The following AFG2A variants were observed in gnomAD, a reference collection of about 807,000 sequenced individuals.
AFG2A encodes the protein AAA ATPase AFG2A.
chr4:123,077,393 T>A, the AFG2A span, among the ~76,000 whole-genome samples: 1 of 152,126 alleles, frequency 6.6e-6, no homozygotes, highest in Non-Finnish European at 1.5e-5. Flanking sequence ...GTTACCTGCA[T>A]GATGTCTAAG....
the AFG2A span, among the ~76,000 whole-genome samples, chr4:123,295,782 C>T: frequency 1.4e-4 from 21 of 152,292 alleles, no homozygotes; most frequent in South Asian, 3.1e-3. Flanking sequence ...CATGGTGATG[C>T]GTGCCTGTAG....
chr4:123,061,300 C>T, the AFG2A span, among the ~76,000 whole-genome samples: 1,845 of 152,328 alleles, frequency 0.012, 43 homozygotes, highest in African/African-American at 0.041. Flanking sequence ...CAGCACCCCA[C>T]TCTACCGTTA....
the AFG2A span, among the ~76,000 whole-genome samples, chr4:123,164,974 T>G: frequency 6.6e-6 from 1 of 152,202 alleles, no homozygotes; most frequent in Non-Finnish European, 1.5e-5. Flanking sequence ...CTAAAAAGAC[T>G]TAAAATTAGT....
the AFG2A span, among the ~76,000 whole-genome samples, chr4:123,276,757 G>A: frequency 6.6e-6 from 1 of 152,108 alleles, no homozygotes; most frequent in Non-Finnish European, 1.5e-5. Context: ...TCTATTGCTT[G>A]TTTTTGTTGA....
At chr4:123,126,123 C>T in the AFG2A span, among the ~76,000 whole-genome samples, 2 of 152,212 alleles carry the variant, frequency 1.3e-5, no homozygotes. Flanking sequence ...TCTGTTTTCA[C>T]TGAACATTTA....
chr4:122,943,757 T>C, the AFG2A span, among the ~76,000 whole-genome samples: 1 of 152,246 alleles, frequency 6.6e-6, no homozygotes, highest in East Asian at 1.9e-4. Context: ...TTGGCATGAT[T>C]TTGCAGCAGC....
the AFG2A span, among the ~76,000 whole-genome samples, chr4:123,164,511 C>CT: frequency 1.3e-5 from 2 of 152,054 alleles, no homozygotes; most frequent in East Asian, 3.9e-4. Context: ...TTCCAGGCAC[C>CT]TGCCACCACG....
the AFG2A span, among the ~76,000 whole-genome samples, chr4:123,159,627 A>G: frequency 6.6e-6 from 1 of 152,202 alleles, no homozygotes; most frequent in African/African-American, 2.4e-5. Context: ...GTGAGAGTGC[A>G]TAGCATGTAG....
chr4:123,003,000 A>C, the AFG2A span, among the ~76,000 whole-genome samples: 14 of 151,988 alleles, frequency 9.2e-5, no homozygotes, highest in Non-Finnish European at 1.8e-4. Flanking sequence ...GGCTTTGTTC[A>C]TTTCTTTTTA....
At chr4:122,968,132 A>T in the AFG2A span, among the ~76,000 whole-genome samples, 1 of 152,058 alleles carries the variant, frequency 6.6e-6, no homozygotes, top group African/African-American at 2.4e-5. Context: ...ATAATTGATG[A>T]GCTAATATTG....
the AFG2A span, among the ~76,000 whole-genome samples, chr4:123,165,317 G>C: frequency 6.6e-6 from 1 of 152,016 alleles, no homozygotes; most frequent in South Asian, 2.1e-4. Context: ...GCACAATTTT[G>C]TATATTTCCT....
chr4:123,197,770 A>AAAATAAATAAAT, the AFG2A span, among the ~76,000 whole-genome samples: 236 of 149,510 alleles, frequency 1.6e-3, 1 homozygote, highest in African/African-American at 5.3e-3. Flanking sequence ...TCCATCTCAA[A>AAAATAAATAAAT]AAATAAATAA....
the AFG2A span, among the ~76,000 whole-genome samples, chr4:123,270,573 G>A: frequency 3.3e-5 from 5 of 152,056 alleles, no homozygotes; most frequent in Non-Finnish European, 7.4e-5. Context: ...TTCTTTTTAG[G>A]TTCTTCAGCG....
chr4:123,225,063 T>C, the AFG2A span, among the ~76,000 whole-genome samples: 4 of 152,210 alleles, frequency 2.6e-5, no homozygotes, highest in African/African-American at 7.2e-5. Flanking sequence ...GAGTTGTTTG[T>C]TTTTTTCTTG....
the AFG2A span, among the ~76,000 whole-genome samples, chr4:123,014,998 G>A: frequency 6.6e-6 from 1 of 151,972 alleles, no homozygotes; most frequent in African/African-American, 2.4e-5. Flanking sequence ...TATGGAAAAT[G>A]GAAATAAAAC....
the AFG2A span, among the ~76,000 whole-genome samples, chr4:123,150,231 C>T: frequency 1.3e-5 from 2 of 152,296 alleles, no homozygotes; most frequent in African/African-American, 4.8e-5. Flanking sequence ...AGGATGCCCT[C>T]TCTCACCACT....
chr4:123,139,554 A>T, the AFG2A span, among the ~76,000 whole-genome samples: 1 of 152,096 alleles, frequency 6.6e-6, no homozygotes, highest in African/African-American at 2.4e-5. Flanking sequence ...TAGTTTTACA[A>T]ATGTAGTAAT....
chr4:123,065,325 A>G, the AFG2A span, among the ~76,000 whole-genome samples: 1 of 152,200 alleles, frequency 6.6e-6, no homozygotes, highest in Non-Finnish European at 1.5e-5. Flanking sequence ...GTTGGGGATA[A>G]AACAGTGAAC....
the AFG2A span, chr4:123,255,934 C>A: frequency 5.3e-6 from 8 of 1,520,582 alleles, no homozygotes; most frequent in Non-Finnish European, 6.3e-6. Context: ...CGTGAAATTC[C>A]AGACATCTTT....
Sources: gnomAD v4.1 joint callset for allele counts (sites outside exome capture counted in the v4.1 genomes callset) on GRCh38, gnomAD v4.1.1 for gene constraint, MANE v1.5 for transcripts, NCBI Gene and HGNC (gene_info 2026-07-23, HGNC 2026-07-21) for gene names.